The following PDE5A variants were observed in gnomAD, a reference collection of about 807,000 sequenced individuals.
PDE5A encodes phosphodiesterase 5A, also known as cGMP-specific 3',5'-cyclic phosphodiesterase.
A neutral mutation model predicts 110.2 loss-of-function variants in PDE5A; 67 were observed. That is an observed-to-expected ratio of 0.61 (90% CI 0.50 to 0.75). The LOEUF (loss-of-function observed/expected upper bound fraction) is 0.75. Among genes scored for constraint, PDE5A ranks in the 30% least tolerant of loss-of-function variants. PDE5A has a pLI of 0.00. For synonymous variants in PDE5A, 328 were observed against 351.2 expected, an observed-to-expected ratio of 0.93 and a Z score of 0.74; for missense variants, 862 against 1,045.1, an observed-to-expected ratio of 0.82 and a Z score of 2.42.
chr4:119,537,562 C>T (rs1383510167), intron 11 of PDE5A, among the ~76,000 whole-genome samples: 14 of 152,008 alleles, frequency 9.2e-5, no homozygotes, highest in Non-Finnish European at 2.9e-5. Flanking sequence ...CTGTTCCTTC[C>T]ATCTAAGGCT....
At position 119,497,589 on chromosome 4, in the gene PDE5A, T is replaced by A. The variant is rs1725121472; in HGVS notation, c.*1012A>T. 6.6e-6 allele frequency: 1 copy of A among 152,176 alleles called. No individual in the cohort carries two copies. Among genetic ancestry groups the A allele is most frequent in the Non-Finnish European group, 1.5e-5 (1 of 68,006 alleles). The allele number at this position is 152,176 out of a possible 1,614,324, so 9.4% of individuals were successfully genotyped here. ...TACCCACTGTTCCCTCAAATTCATT[T>A]TTGACCCTAGTATTGGCAATAGCCC... On this transcript the variant is annotated 3_prime_UTR_variant, in exon 21 of 21. Coordinates refer to ENST00000354960, the MANE Select transcript of PDE5A (RefSeq NM_001083.4).
Position 119,496,390 on chromosome 4 carries a change from G to T in PDE5A, c.*2211C>A, listed in dbSNP as rs202050076. ...TGTATGAACTAAAATATCCAACAAA[G>T]AAATAAAATAGGCATTGCCCAGCTT... On this transcript the variant is annotated 3_prime_UTR_variant, in exon 21 of 21. Transcript: ENST00000354960. The T allele has an allele frequency of 2.0e-5, 3 of 152,056 alleles. No homozygotes were observed. The highest frequency in any genetic ancestry group is 4.4e-5 in the Non-Finnish European group (3 of 67,980). The allele number at this position is 152,056 out of a possible 1,614,324, so 9.4% of individuals were successfully genotyped here. A position where few individuals can be genotyped will look rare whatever the true frequency, so the allele number is the denominator to read the frequency against.
intron 1 of PDE5A, among the ~76,000 whole-genome samples, chr4:119,625,480 A>C (rs1178393793): frequency 6.8e-6 from 1 of 146,090 alleles, no homozygotes; most frequent in Non-Finnish European, 1.5e-5. Context: ...AGTCTGAGAA[A>C]AGGATGGAAA....
At chr4:119,533,833 A>T (rs910918254) in intron 11 of PDE5A, among the ~76,000 whole-genome samples, 5 of 152,192 alleles carry the variant, frequency 3.3e-5, no homozygotes, top group African/African-American at 9.6e-5. Flanking sequence ...TAAATTTATG[A>T]TTGCAATTGG....
At chr4:119,601,651 A>G (rs540880603) in intron 2 of PDE5A, among the ~76,000 whole-genome samples, 8 of 152,256 alleles carry the variant, frequency 5.3e-5, no homozygotes, top group South Asian at 2.1e-4. Context: ...GTGGTAGCCT[A>G]GGGATCCCAC....
chr4:119,585,105 C>G (rs1560627702), intron 3 of PDE5A, among the ~76,000 whole-genome samples: 1 of 152,082 alleles, frequency 6.6e-6, no homozygotes, highest in Non-Finnish European at 1.5e-5. Context: ...GAAACCCCAT[C>G]TCTACTAAAA....
chr4:119,518,238 T>C (rs1725986616), intron 14 of PDE5A, among the ~76,000 whole-genome samples: 1 of 152,234 alleles, frequency 6.6e-6, no homozygotes, highest in South Asian at 2.1e-4. Flanking sequence ...TGCTCAGTAG[T>C]AAGAGATCTT....
chr4:119,606,921 G>C lies in PDE5A; in HGVS notation c.529C>G (p.His177Asp). 1 of 1,614,236 alleles carries C rather than the reference G, an allele frequency of 6.2e-7. No homozygotes were observed. Among genetic ancestry groups the C allele is most frequent in the Non-Finnish European group, 8.5e-7 (1 of 1,180,040 alleles). The change falls in exon 2 of 21, where the codon CAT becomes GAT. Residue 177 changes from histidine (H) to aspartate (D), a missense_variant. Coordinates refer to ENST00000354960, the MANE Select transcript of PDE5A (RefSeq NM_001083.4). ...ALCHKIFLHIHGLISADRYSL... is the reference protein window; with the variant it reads ...ALCHKIFLHIDGLISADRYSL... Reference sequence around the variant, plus strand: ...TAGCGGTCAGCAGATATCAGTCCATGGATATGCAAGAAAATTTTGTGACAT... The same window carrying C: ...TAGCGGTCAGCAGATATCAGTCCATCGATATGCAAGAAAATTTTGTGACAT...
chr4:119,505,994 CCACAAA>C, intron 16 of PDE5A, 62 bp from the exon 17 acceptor site: 1 of 868,356 alleles, frequency 1.2e-6, no homozygotes, highest in Admixed American at 3.0e-5. Context: ...TCCCTTTGGT[CCACAAA>C]GACTCATGGA....
chr4:119,503,262 G>A (rs901774066), intron 18 of PDE5A, among the ~76,000 whole-genome samples: 14 of 152,040 alleles, frequency 9.2e-5, no homozygotes, highest in African/African-American at 1.4e-4. Flanking sequence ...TATTTATTAC[G>A]GACTCAAAAT....
intron 2 of PDE5A, among the ~76,000 whole-genome samples, chr4:119,597,459 C>A (rs1370171103): frequency 1.3e-5 from 2 of 151,936 alleles, no homozygotes; most frequent in Non-Finnish European, 2.9e-5. Context: ...TAAAGCAAAT[C>A]TTGTCAGTAA....
intron 7 of PDE5A, among the ~76,000 whole-genome samples, chr4:119,556,761 T>C (rs1036025735): frequency 7.9e-5 from 12 of 152,072 alleles, no homozygotes; most frequent in Admixed American, 6.5e-4. Flanking sequence ...GGTAGAGTAT[T>C]CCAGGCAGGA....
In PDE5A at chr4:119,533,029, T is replaced by C. The variant is rs139884543; in HGVS notation, c.1632+5931A>G. ...ATTTATTAAAGTAGTGTGAAAAGAA[T>C]GGCAGTAATGGAACTTGGTCTTTCA... On this transcript the variant is annotated intron_variant, in intron 11 of 20. Transcript: ENST00000354960. 2.0e-3 allele frequency among the ~76,000 whole-genome samples: 310 copies of C among 152,286 alleles called. 1 individual carries two copies. The highest frequency in any genetic ancestry group is 7.3e-3 in the African/African-American group (303 of 41,578).
chr4:119,627,168 G>T lies in PDE5A; in HGVS notation c.152+1352C>A, dbSNP rs138944170. 21 of 1,613,170 alleles carry T rather than the reference G, an allele frequency of 1.3e-5. No homozygotes were observed. The South Asian group carries it at 2.2e-4, about 17-fold the overall frequency. ...GAAGTACCTTGTTTTGTCTCCAAAGGGCAACATAGCAAACGTGGGAAGTTC... is the reference window on the plus strand; with the variant it reads ...GAAGTACCTTGTTTTGTCTCCAAAGTGCAACATAGCAAACGTGGGAAGTTC... On this transcript the variant is annotated intron_variant, in intron 1 of 20. Transcript: ENST00000354960. This position sits in a 1 kb window ranked among gnomAD's most constrained non-coding sequence, Gnocchi z 4.6.
intron 9 of PDE5A, among the ~76,000 whole-genome samples, chr4:119,551,528 T>C (rs1479309736): frequency 1.3e-5 from 2 of 152,192 alleles, no homozygotes; most frequent in Non-Finnish European, 2.9e-5. Flanking sequence ...TTACTGGCTA[T>C]AATCTGATGC....
intron 1 of PDE5A, among the ~76,000 whole-genome samples, chr4:119,618,539 A>G (rs1226181574): frequency 6.6e-6 from 1 of 152,140 alleles, no homozygotes; most frequent in Non-Finnish European, 1.5e-5. Context: ...TCTGAATTTC[A>G]TATTAAGATT....
intron 1 of PDE5A, among the ~76,000 whole-genome samples, chr4:119,626,160 A>T (rs575557496): frequency 1.4e-4 from 21 of 149,862 alleles, no homozygotes; most frequent in East Asian, 7.7e-4. Context: ...AAAATTTTTT[A>T]AAAGTTTTTT....
intron 1 of PDE5A, among the ~76,000 whole-genome samples, chr4:119,619,344 T>C (rs1021787633): frequency 1.3e-5 from 2 of 152,182 alleles, no homozygotes; most frequent in African/African-American, 4.8e-5. Flanking sequence ...AAAGAACTCT[T>C]ACAGCTGAAA....
intron 2 of PDE5A, among the ~76,000 whole-genome samples, chr4:119,606,467 C>T (rs536454876): frequency 6.6e-6 from 1 of 152,064 alleles, no homozygotes; most frequent in South Asian, 2.1e-4. Flanking sequence ...AGGAGAAAAA[C>T]AAGATGAGAT....
Sources: allele counts gnomAD v4.1 joint callset (sites outside exome capture counted in the v4.1 genomes callset), GRCh38; gene constraint gnomAD v4.1.1; non-coding constraint Gnocchi (gnomAD v3.1); transcripts MANE v1.5; gene names NCBI Gene and HGNC (gene_info 2026-07-23, HGNC 2026-07-21).